Variants in SMARCA1 observed in about 807,000 individuals in gnomAD.
SMARCA1 encodes SWI/SNF-related matrix-associated actin-dependent regulator of chromatin subfamily A member 1.
Under a neutral mutation model 93.6 loss-of-function variants are expected in SMARCA1, and 17 were observed. The ratio of observed to expected loss-of-function variants is 0.18; its 90% CI spans 0.12 to 0.27. SMARCA1 has a LOEUF of 0.27. Among genes scored for constraint, SMARCA1 ranks in the 10% least tolerant of loss-of-function variants. The pLI, the probability that SMARCA1 is intolerant of heterozygous loss-of-function variation, is 1.00. For synonymous variants in SMARCA1, 271 were observed against 271.4 expected (o/e 1.00, Z 0.01); for missense variants, 630 against 819.0 (o/e 0.77, Z 2.82).
rs757468537 is a variant in SMARCA1 at position 129,490,102 on chromosome X, C to T, written c.1906G>A (p.Ala636Thr). Reference protein sequence around the residue: ...NTVEERIVERAEIKLRLDSIV... With the variant: ...NTVEERIVERTEIKLRLDSIV... ...GAATCGAGTCTCAGTTTTATCTCAG[C>T]TCTTTCTACAATCCTCTCTTCAACA... Residue 636 changes from alanine to threonine, a missense_variant, in exon 15 of 25, where the codon GCT (alanine) becomes ACT (threonine). Physicochemically the swap from Ala to Thr is moderately conservative, Grantham distance 58. Transcript: ENST00000371121. The T allele has an allele frequency of 4.2e-6, 5 of 1,191,591 alleles. No individual in the cohort carries two copies. Among genetic ancestry groups the T allele is most frequent in the Non-Finnish European group, 5.7e-6 (5 of 878,225 alleles).
chrX:129,518,655 AT>A (rs1935286336), intron 1 of SMARCA1: 2 of 256,554 alleles, frequency 7.8e-6, no homozygotes, highest in Non-Finnish European at 1.4e-5. Flanking sequence ...AATAAAAAAA[AT>A]CTGAAAAATT....
intron 7 of SMARCA1, among the ~76,000 whole-genome samples, chrX:129,507,398 C>A (rs1934859405): frequency 8.9e-6 from 1 of 112,248 alleles, no homozygotes; most frequent in African/African-American, 3.2e-5. Flanking sequence ...ACTAAATATT[C>A]TCAACAATAT....
At chrX:129,475,375 C>T (rs755235627) in intron 19 of SMARCA1, among the ~76,000 whole-genome samples, 5 of 109,911 alleles carry the variant, frequency 4.5e-5, no homozygotes, top group East Asian at 2.9e-4. Flanking sequence ...AAAAACTAGC[C>T]GGGCGTGGTA....
At chrX:129,504,873 T>C in intron 8 of SMARCA1, 71 bp from the exon 9 acceptor site, 2 of 639,164 alleles carry the variant, frequency 3.1e-6, no homozygotes, top group South Asian at 2.8e-5. Context: ...TGTAGATTCT[T>C]ATACAACCAA....
At chrX:129,495,614 TC>T (rs1460460720) in intron 12 of SMARCA1, among the ~76,000 whole-genome samples, 1 of 110,683 alleles carries the variant, frequency 9.0e-6, no homozygotes, top group Non-Finnish European at 1.9e-5. Context: ...CCTCAAGCAA[TC>T]CTCCTGCCTC....
chrX:129,488,836 T>C, intron 16 of SMARCA1, 101 bp downstream of exon 16: 1 of 512,687 alleles, frequency 2.0e-6, no homozygotes, highest in Non-Finnish European at 3.2e-6. Context: ...CTGAAACATG[T>C]AGATAATGCA....
intron 4 of SMARCA1, 28 bp from the exon 5 acceptor site, chrX:129,515,815 T>C: frequency 1.7e-6 from 2 of 1,152,536 alleles, no homozygotes; most frequent in Non-Finnish European, 2.4e-6. Context: ...GGACATTTCA[T>C]ACTTTCATTA....
chrX:129,508,049 G>T lies in SMARCA1; in HGVS notation c.858C>A (p.Cys286Ter). The T allele has an allele frequency of 8.4e-7, 1 of 1,186,584 alleles. No individual in the cohort carries two copies. Among genetic ancestry groups the T allele is most frequent in the Non-Finnish European group, 1.1e-6 (1 of 879,038 alleles). The change falls in exon 7 of 25, where the codon TGC becomes TGA. Residue 286 changes from cysteine (C) to a stop codon, truncating the protein, a stop_gained. Transcript: ENST00000371121. LOFTEE classifies it high-confidence loss of function. Reference sequence around the variant, plus strand: ...TAATTACCATCTCATAAGAAGTAACGCAAACATCCCACTCTCCTGGCATCA... The same window carrying T: ...TAATTACCATCTCATAAGAAGTAACTCAAACATCCCACTCTCCTGGCATCA... ...DEMMPGEWDVCVTSYEMVIKE... is the reference protein window; with the variant it reads ...DEMMPGEWDV
In SMARCA1 at chrX:129,507,971, TTCA is replaced by T; in HGVS notation, c.933_935del (p.Asp311del). ...ATTTTTCATTCTTTATTCTGTGAGCTTCATCAATGACCAGGTATCGCCAGTGAA... is the reference window on the plus strand; with the variant it reads ...ATTTTTCATTCTTTATTCTGTGAGCTTCAATGACCAGGTATCGCCAGTGAA... On this transcript the variant is annotated inframe_deletion, in exon 7 of 25. Coordinates refer to ENST00000371121, the MANE Select transcript of SMARCA1 (RefSeq NM_001282874.2). The T allele has an allele frequency of 8.5e-7, 1 of 1,170,495 alleles. No individual in the cohort carries two copies. The highest frequency in any genetic ancestry group is 1.1e-6 in the Non-Finnish European group (1 of 871,843).
At chrX:129,512,286 T>C (rs1935045000) in intron 5 of SMARCA1, among the ~76,000 whole-genome samples, 1 of 112,256 alleles carries the variant, frequency 8.9e-6, no homozygotes, top group Non-Finnish European at 1.9e-5. Flanking sequence ...ATCTACTATA[T>C]AATTTTTCTT....
intron 23 of SMARCA1, among the ~76,000 whole-genome samples, chrX:129,449,164 C>T (rs1932158565): frequency 9.0e-6 from 1 of 111,136 alleles, no homozygotes; most frequent in Non-Finnish European, 1.9e-5. Context: ...TGTGAATTTT[C>T]TTATTTCAAA....
At chrX:129,498,180 G>T in intron 10 of SMARCA1, 109 bp from the exon 11 acceptor site, 2 of 504,859 alleles carry the variant, frequency 4.0e-6, no homozygotes, top group Non-Finnish European at 6.9e-6. Context: ...AACAAGATTT[G>T]ATTTGAGATT....
In SMARCA1 at chrX:129,471,243, T is replaced by C; in HGVS notation, c.2526A>G (p.Thr842=). The C allele has an allele frequency of 8.3e-7, 1 of 1,201,382 alleles. No individual in the cohort carries two copies. Among genetic ancestry groups the C allele is most frequent in the Non-Finnish European group, 1.1e-6 (1 of 887,072 alleles). Reference sequence around the variant, plus strand: ...TTTCCTTTTCTTCAGTCTCTTCTGGTGTAAGAGGTTCAGCTCCATCAATCT... The same window carrying C: ...TTTCCTTTTCTTCAGTCTCTTCTGGCGTAAGAGGTTCAGCTCCATCAATCT... ...QKKIDGAEPL[T]PEETEEKEKL... Residue 842 remains threonine, a synonymous_variant, in exon 20 of 25, where the codon ACA becomes ACG. Transcript: ENST00000371121.
At chrX:129,479,684 T>TTGAGAC (rs1569434308) in intron 19 of SMARCA1, among the ~76,000 whole-genome samples, 1 of 85,731 alleles carries the variant, frequency 1.2e-5, no homozygotes, top group African/African-American at 4.5e-5. Flanking sequence ...TATTTTATTT[T>TTGAGAC]ATTTTATTTT....
At chrX:129,467,120 A>G (rs972927665) in intron 21 of SMARCA1, among the ~76,000 whole-genome samples, 2 of 112,039 alleles carry the variant, frequency 1.8e-5, no homozygotes, top group African/African-American at 6.5e-5. Context: ...AACACTTGCT[A>G]TGTACAGGAT....
intron 19 of SMARCA1, among the ~76,000 whole-genome samples, chrX:129,477,801 C>A (rs1183402872): frequency 9.1e-6 from 1 of 109,450 alleles, no homozygotes; most frequent in Non-Finnish European, 1.9e-5. Flanking sequence ...CCACCCACCT[C>A]CCTGCCTTAA....
At chrX:129,506,028 CAT>C (rs1218694022) in intron 8 of SMARCA1, 50 bp downstream of exon 8, 13 of 942,597 alleles carry the variant, frequency 1.4e-5, no homozygotes, top group Middle Eastern at 2.7e-4. Context: ...TTTTAAAACA[CAT>C]GTCAGTGAAA....
intron 16 of SMARCA1, among the ~76,000 whole-genome samples, chrX:129,487,413 T>A (rs1460536561): frequency 8.9e-6 from 1 of 112,671 alleles, no homozygotes. Flanking sequence ...TGCTCTTGCA[T>A]AATTTAAATG....
chrX:129,484,291 T>A (rs1264632859), intron 17 of SMARCA1, among the ~76,000 whole-genome samples: 1 of 112,069 alleles, frequency 8.9e-6, no homozygotes, highest in East Asian at 2.8e-4. Flanking sequence ...ATAAAACTTA[T>A]ATCACATAAT....
Sources: allele counts gnomAD v4.1 joint callset (sites outside exome capture counted in the v4.1 genomes callset), GRCh38; gene constraint gnomAD v4.1.1; transcripts MANE v1.5; gene names NCBI Gene and HGNC (gene_info 2026-07-23, HGNC 2026-07-21).